The following PDE5A variants were observed in gnomAD, a reference collection of about 807,000 sequenced individuals.
PDE5A encodes the protein cGMP-specific 3',5'-cyclic phosphodiesterase.
In PDE5A, 67 loss-of-function variants were observed where a neutral mutation model predicts 110.2. That is an observed-to-expected ratio of 0.61 (90% CI 0.50 to 0.75). PDE5A has a LOEUF of 0.75. PDE5A is among the 30% of genes least tolerant of loss of function. PDE5A has a pLI of 0.00. For synonymous variants in PDE5A, 328 were observed against 351.2 expected (o/e 0.93, Z 0.74); for missense variants, 862 against 1,045.1 (o/e 0.82, Z 2.42).
At chr4:119,578,547 A>G (rs1301665087) in intron 3 of PDE5A, among the ~76,000 whole-genome samples, 1 of 152,336 alleles carries the variant, frequency 6.6e-6, no homozygotes, top group Non-Finnish European at 1.5e-5. Context: ...ATCTACAACC[A>G]TCTGATCTTT....
chr4:119,551,684 T>A (rs2306457), intron 9 of PDE5A, among the ~76,000 whole-genome samples: 41,126 of 131,096 alleles, frequency 0.31, 5,624 homozygotes, highest in East Asian at 0.43. Flanking sequence ...TATCTGTCTT[T>A]TCTTTTTCTA....
At chr4:119,573,111 A>G (rs1728198715) in intron 3 of PDE5A, among the ~76,000 whole-genome samples, 1 of 152,230 alleles carries the variant, frequency 6.6e-6, no homozygotes, top group African/African-American at 2.4e-5. Flanking sequence ...TTCATTTTAT[A>G]TACAATATTG....
At chr4:119,577,637 C>T (rs1560624190) in intron 3 of PDE5A, among the ~76,000 whole-genome samples, 1 of 152,154 alleles carries the variant, frequency 6.6e-6, no homozygotes, top group African/African-American at 2.4e-5. Context: ...ATTTCAACAA[C>T]CCTTCATGCT....
chr4:119,611,380 T>C (rs1729737045), intron 1 of PDE5A, among the ~76,000 whole-genome samples: 1 of 152,198 alleles, frequency 6.6e-6, no homozygotes, highest in Non-Finnish European at 1.5e-5. Context: ...TTGAAGTAAA[T>C]GAATAAATAA....
chr4:119,599,379 G>A (rs1259970570), intron 2 of PDE5A, among the ~76,000 whole-genome samples: 3 of 152,016 alleles, frequency 2.0e-5, no homozygotes, highest in Non-Finnish European at 2.9e-5. Flanking sequence ...TCACATGTTG[G>A]ACTTCACAGA....
At chr4:119,596,722 CTGAG>C (rs1729166690) in intron 2 of PDE5A, 110 bp from the exon 3 acceptor site, 1 of 509,730 alleles carries the variant, frequency 2.0e-6, no homozygotes. Context: ...CCTTGTTACT[CTGAG>C]TAACAATTTT....
chr4:119,529,650 A>C (rs745946612), intron 11 of PDE5A, among the ~76,000 whole-genome samples: 2 of 152,128 alleles, frequency 1.3e-5, no homozygotes, highest in Non-Finnish European at 2.9e-5. Flanking sequence ...CCAGAACAGC[A>C]ATTTTGTTCT....
rs70944896 is a variant in PDE5A, at chr4:119,592,487, A to AAAAAAAAG, written c.831+4035_831+4036insCTTTTTTT. ...AAAAAAAAAAAAAAAAAAAAAAAAAAGCTGTGTTCTGGAAGCCCTCTCTTG... is the reference window on the plus strand; with the variant it reads ...AAAAAAAAAAAAAAAAAAAAAAAAAAAAAAAAAGGCTGTGTTCTGGAAGCCCTCTCTTG... On this transcript the variant is annotated intron_variant, in intron 3 of 20. Coordinates refer to ENST00000354960, the MANE Select transcript of PDE5A (RefSeq NM_001083.4). Among the ~76,000 whole-genome samples, 101 of 137,004 alleles carry AAAAAAAAG rather than the reference A, an allele frequency of 7.4e-4. 2 individuals carry two copies. The highest frequency in any genetic ancestry group is 1.3e-3 in the Non-Finnish European group (83 of 63,620). 89.9% of individuals were successfully genotyped at this position (137,004 alleles called of 152,430 possible).
chr4:119,511,834 C>T (rs1438961115), intron 14 of PDE5A, among the ~76,000 whole-genome samples: 1 of 152,070 alleles, frequency 6.6e-6, no homozygotes, highest in East Asian at 1.9e-4. Flanking sequence ...ATATTATACT[C>T]AGTTCATTAT....
chr4:119,501,999 C>CTT (rs1259766198), intron 19 of PDE5A, among the ~76,000 whole-genome samples: 1 of 151,784 alleles, frequency 6.6e-6, no homozygotes, highest in Non-Finnish European at 1.5e-5. Flanking sequence ...CTGAGGAGAA[C>CTT]TTTGAACAAA....
chr4:119,534,487 T>C (rs1403276847), intron 11 of PDE5A, among the ~76,000 whole-genome samples: 1 of 152,108 alleles, frequency 6.6e-6, no homozygotes, highest in African/African-American at 2.4e-5. Context: ...ATTCCCATAC[T>C]GACTATATCT....
At chr4:119,552,683 T>A (rs1036905342) in intron 8 of PDE5A, 46 bp from the exon 9 acceptor site, 3 of 1,071,944 alleles carry the variant, frequency 2.8e-6, no homozygotes, top group African/African-American at 3.3e-5. Context: ...GGTAAAGAGA[T>A]TGATTTGTCC....
rs1725390625 is a variant in PDE5A, at chr4:119,502,573, A to ATACT, written c.2406+4_2406+7dup. 1.3e-6 allele frequency: 2 copies of ATACT among 1,526,916 alleles called. No homozygotes were observed. The highest frequency in any genetic ancestry group is 1.4e-5 in the African/African-American group (1 of 72,816). The allele number at this position is 1,526,916 out of a possible 1,614,324, so 94.6% of individuals were successfully genotyped here. On this transcript the variant is annotated splice_region_variant and intron_variant, in intron 19 of 20. Coordinates refer to ENST00000354960, the MANE Select transcript of PDE5A (RefSeq NM_001083.4). The stretch of plus-strand genomic sequence containing the variant: ...GAATAATTCCTACCAACAAGGTTTC[A>ATACT]TACTTACAGTGGGTTCTATGTTGAG...
chr4:119,581,516 T>C (rs1728589765), intron 3 of PDE5A, among the ~76,000 whole-genome samples: 1 of 152,368 alleles, frequency 6.6e-6, no homozygotes, highest in East Asian at 1.9e-4. Context: ...TATGTTCTCA[T>C]AGCCAAAACA....
At chr4:119,552,679 G>A (rs1727398093) in intron 8 of PDE5A, 42 bp from the exon 9 acceptor site, 2 of 1,106,792 alleles carry the variant, frequency 1.8e-6, no homozygotes, top group Admixed American at 5.6e-5. Flanking sequence ...AAATGGTAAA[G>A]AGATTGATTT....
intron 2 of PDE5A, among the ~76,000 whole-genome samples, chr4:119,604,703 C>T (rs190571434): frequency 1.8e-4 from 28 of 152,284 alleles, no homozygotes; most frequent in Middle Eastern, 3.4e-3. Flanking sequence ...TCCCGGCCCT[C>T]GGTATTACTC....
rs546724138 is a variant in PDE5A at position 119,627,767 on chromosome 4, G to T, written c.152+753C>A. ...TCCCTCCTCCCCGCCCTCCGCAAGG[G>T]CCGCCCCGGCGCTTGGCTCTGGACC... On this transcript the variant is annotated intron_variant, in intron 1 of 20. Coordinates refer to ENST00000354960, the MANE Select transcript of PDE5A (RefSeq NM_001083.4). This position sits in a 1 kb window ranked among gnomAD's most constrained non-coding sequence, Gnocchi z 4.6. 6.5e-6 allele frequency: 1 copy of T among 153,358 alleles called. No individual in the cohort carries two copies. The highest frequency in any genetic ancestry group is 2.1e-4 in the South Asian group (1 of 4,854). 9.5% of individuals were successfully genotyped at this position (153,358 alleles called of 1,614,324 possible).
intron 7 of PDE5A, among the ~76,000 whole-genome samples, chr4:119,559,822 T>A (rs1035778049): frequency 1.3e-5 from 2 of 152,154 alleles, no homozygotes; most frequent in African/African-American, 4.8e-5. Flanking sequence ...ATTATGACCA[T>A]GTGAACCCCA....
Position 119,609,285 on chromosome 4 carries a change from C to T in PDE5A, c.153-1988G>A, listed in dbSNP as rs1729656653. On this transcript the variant is annotated intron_variant, in intron 1 of 20. Transcript: ENST00000354960. ...GGGTATTTACTGTATATAGTAAGTA[C>T]GTTTGCTACAGCAGATAAGAAGCAA... Among the ~76,000 whole-genome samples the T allele has an allele frequency of 2.0e-5, 3 of 152,130 alleles. No individual in the cohort carries two copies. In the South Asian group the frequency reaches 6.2e-4, roughly 32 times the overall value.
Sources: gnomAD v4.1 joint callset for allele counts (sites outside exome capture counted in the v4.1 genomes callset) on GRCh38, gnomAD v4.1.1 for gene constraint, Gnocchi (gnomAD v3.1) non-coding constraint, MANE v1.5 for transcripts, NCBI Gene and HGNC (gene_info 2026-07-23, HGNC 2026-07-21) for gene names.